The following ZNF776 variants were observed in gnomAD, a reference collection of about 807,000 sequenced individuals.
ZNF776 encodes zinc finger protein 776.
Under a neutral mutation model 7.0 loss-of-function variants are expected in ZNF776, and 4 were observed. That is an observed-to-expected ratio of 0.57 (90% CI 0.28 to 1.31). The LOEUF (loss-of-function observed/expected upper bound fraction) is 1.31, where lower values mean the gene tolerates loss of function less well. Ranked by LOEUF, ZNF776 falls within the 50% of genes most tolerant of loss-of-function variation. ZNF776 has a pLI of 0.10. For missense variants in ZNF776, 555 were observed against 625.9 expected (o/e 0.89, Z 1.21); for synonymous variants, 212 against 213.7 (o/e 0.99, Z 0.07).
rs970671371 is a variant in ZNF776, at chr19:57,757,655, G to C, written c.*2968G>C. ...AATTTTTAAAGCTGTAATAAGACTG[G>C]GCATGGTGACTCATGCCTGTTATCC... On this transcript the variant is annotated 3_prime_UTR_variant, in exon 3 of 3. Coordinates refer to ENST00000317178, the MANE Select transcript of ZNF776 (RefSeq NM_173632.4). 3.3e-5 allele frequency: 5 copies of C among 152,034 alleles called. No homozygotes were observed. Among genetic ancestry groups the C allele is most frequent in the African/African-American group, 7.2e-5 (3 of 41,392 alleles). 9.4% of individuals were successfully genotyped at this position (152,034 alleles called of 1,614,324 possible).
In ZNF776 at chr19:57,754,064, C is replaced by G; in HGVS notation, c.934C>G (p.Arg312Gly). ...TAAGCACAGTCTTGTTGACCATCAG[C>G]GAGTTCACACTGGAGAAAGACCTTA... ...SHKHSLVDHQ[R>G]VHTGERPYEC... The change falls in exon 3 of 3, where the codon CGA (arginine) becomes GGA (glycine). Residue 312 changes from arginine to glycine, a missense_variant. By Grantham distance (125) the Arg-to-Gly change is moderately radical (BLOSUM62 -2). Transcript: ENST00000317178. 1 of 1,612,738 alleles carries G rather than the reference C, an allele frequency of 6.2e-7. No homozygotes were observed. Among genetic ancestry groups the G allele is most frequent in the Non-Finnish European group, 8.5e-7 (1 of 1,179,766 alleles).
intron 2 of ZNF776, among the ~76,000 whole-genome samples, chr19:57,753,032 C>G (rs889269880): frequency 1.3e-5 from 2 of 152,178 alleles, no homozygotes; most frequent in African/African-American, 4.8e-5. Flanking sequence ...CTTCATATTA[C>G]TGGGTTAGAA....
In ZNF776 at chr19:57,750,902, T is replaced by A. The variant is rs1287249169; in HGVS notation, c.151T>A (p.Ser51Thr). The change falls in exon 2 of 3, where the codon TCT (serine) becomes ACT (threonine). Residue 51 changes from serine (S) to threonine (T), a missense_variant. By Grantham distance (58) the Ser-to-Thr change is moderately conservative. Transcript: ENST00000317178. ...GATGCTGGAGAACCTGACACTTATATCTTCTCTAGGTAAGGCACTCACACT... is the reference window on the plus strand; with the variant it reads ...GATGCTGGAGAACCTGACACTTATAACTTCTCTAGGTAAGGCACTCACACT... ...DVMLENLTLISSLGCWYGAKD... is the reference protein window; with the variant it reads ...DVMLENLTLITSLGCWYGAKD... 1 of 1,610,054 alleles carries A rather than the reference T, an allele frequency of 6.2e-7. No homozygotes were observed. Among genetic ancestry groups the A allele is most frequent in the East Asian group, 2.2e-5 (1 of 44,734 alleles).
intron 2 of ZNF776, among the ~76,000 whole-genome samples, chr19:57,751,863 G>GTTTTTTT (rs1256893730): frequency 1.6e-5 from 1 of 63,358 alleles, no homozygotes; most frequent in South Asian, 4.1e-4. Context: ...TGTATTTTTG[G>GTTTTTTT]TTTTGTTTTT....
At position 57,754,132 on chromosome 19, in the gene ZNF776, C is replaced by G. The variant is rs1435287193; in HGVS notation, c.1002C>G (p.Ser334Arg). Residue 334 changes from serine to arginine, a missense_variant, in exon 3 of 3, where the codon AGC becomes AGG. Transcript: ENST00000317178. The part of the protein sequence containing the change: ...ECGKSFSHKR[S>R]LVHHQRVHTG... Reference sequence around the variant, plus strand: ...GGAAATCTTTTAGCCATAAGCGCAGCCTTGTTCACCACCAGCGAGTTCACA... The same window carrying G: ...GGAAATCTTTTAGCCATAAGCGCAGGCTTGTTCACCACCAGCGAGTTCACA... 1 of 1,613,810 alleles carries G rather than the reference C, an allele frequency of 6.2e-7. No individual in the cohort carries two copies. Among genetic ancestry groups the G allele is most frequent in the Non-Finnish European group, 8.5e-7 (1 of 1,179,924 alleles).
At chr19:57,752,462 T>G (rs1986637105) in intron 2 of ZNF776, among the ~76,000 whole-genome samples, 1 of 152,212 alleles carries the variant, frequency 6.6e-6, no homozygotes, top group African/African-American at 2.4e-5. Context: ...GCAGTGGGAC[T>G]GAGAGTTCTC....
At chr19:57,753,043 T>C (rs1385897250) in intron 2 of ZNF776, among the ~76,000 whole-genome samples, 1 of 152,198 alleles carries the variant, frequency 6.6e-6, no homozygotes, top group African/African-American at 2.4e-5. Flanking sequence ...TGGGTTAGAA[T>C]GATTACAGAA....
In ZNF776 at chr19:57,753,401, C is replaced by T. The variant is rs1351999827; in HGVS notation, c.271C>T (p.Leu91Phe). 3 of 1,614,212 alleles carry T rather than the reference C, an allele frequency of 1.9e-6. No individual in the cohort carries two copies. The highest frequency in any genetic ancestry group is 1.7e-5 in the Admixed American group (1 of 60,018). ...WTGVCTKKVH[L>F]WGMCGPLLGD... ...AGGTGTATGTACCAAGAAGGTCCAC[C>T]TCTGGGGAATGTGTGGCCCTCTCCT... is the stretch of plus-strand genomic sequence containing the variant. Residue 91 changes from leucine to phenylalanine, a missense_variant, in exon 3 of 3, where the codon CTC becomes TTC. Leu to Phe is a conservative substitution (Grantham distance 22). Transcript: ENST00000317178.
chr19:57,746,944 A>C lies in ZNF776; in HGVS notation c.-115A>C. The C allele has an allele frequency of 9.2e-7, 1 of 1,089,086 alleles. No individual in the cohort carries two copies. Among genetic ancestry groups the C allele is most frequent in the South Asian group, 1.6e-5 (1 of 61,848 alleles). The allele number at this position is 1,089,086 out of a possible 1,614,324, so 67.5% of individuals were successfully genotyped here. On this transcript the variant is annotated 5_prime_UTR_variant, in exon 1 of 3. Transcript: ENST00000317178. ...CCCGACTGCACAGAGGCTGCTCTGCAGCTCCTTAAAGGCGCTAGGCGTGAC... is the reference window on the plus strand; with the variant it reads ...CCCGACTGCACAGAGGCTGCTCTGCCGCTCCTTAAAGGCGCTAGGCGTGAC...
rs752532910 is a variant in ZNF776 at position 57,747,082 on chromosome 19, C to G, written c.24C>G (p.Pro8=). ...GGATGGCGGCGGCCGCGCTGAGGCC[C>G]CCGGCTCAGGTAATTGTGGCGTCTT... MAAAALR[P]PAQGTVTFED... Residue 8 remains proline (P), a synonymous_variant, in exon 1 of 3, where the codon CCC becomes CCG. Transcript: ENST00000317178. The G allele has an allele frequency of 1.3e-5, 21 of 1,591,590 alleles. No individual in the cohort carries two copies. In the South Asian group the frequency reaches 2.4e-4, roughly 18 times the overall value.
chr19:57,753,383 T>C lies in ZNF776; in HGVS notation c.253T>C (p.Cys85Arg), dbSNP rs201309717. 26 of 1,614,200 alleles carry C rather than the reference T, an allele frequency of 1.6e-5. No homozygotes were observed. In the East Asian group the frequency reaches 5.8e-4, roughly 36 times the overall value. The change falls in exon 3 of 3, where the codon TGT becomes CGT. Residue 85 changes from cysteine (C) to arginine (R), a missense_variant. Physicochemically the swap from Cys to Arg is radical, Grantham distance 180. Coordinates refer to ENST00000317178, the MANE Select transcript of ZNF776 (RefSeq NM_173632.4). ...ACTCAGGACACATTGGACAGGTGTA[T>C]GTACCAAGAAGGTCCACCTCTGGGG... The part of the protein sequence containing the change: ...SPLRTHWTGV[C>R]TKKVHLWGMC...
Position 57,753,302 on chromosome 19 carries a change from G to T in ZNF776, c.172G>T (p.Gly58Ter). 1 of 1,606,182 alleles carries T rather than the reference G, an allele frequency of 6.2e-7. No homozygotes were observed. Among genetic ancestry groups the T allele is most frequent in the Non-Finnish European group, 8.5e-7 (1 of 1,176,250 alleles). Reference protein sequence around the residue: ...TLISSLGCWYGAKDETPSKQT... With the variant: ...TLISSLGCWY ...TTTATTTCTTTTAGGTTGTTGGTAT[G>T]GAGCAAAAGACGAGACACCTTCTAA... The change falls in exon 3 of 3, where the codon GGA becomes TGA. Residue 58 changes from glycine (G) to a stop codon, truncating the protein, a stop_gained. Coordinates refer to ENST00000317178, the MANE Select transcript of ZNF776 (RefSeq NM_173632.4). LOFTEE classifies it low-confidence loss of function (END_TRUNC).
chr19:57,753,484 A>G lies in ZNF776; in HGVS notation c.354A>G (p.Ala118=). 6.2e-7 allele frequency: 1 copy of G among 1,614,214 alleles called. No homozygotes were observed. Among genetic ancestry groups the G allele is most frequent in the East Asian group, 2.2e-5 (1 of 44,882 alleles). Residue 118 remains alanine, a synonymous_variant, in exon 3 of 3, where the codon GCA becomes GCG. Coordinates refer to ENST00000317178, the MANE Select transcript of ZNF776 (RefSeq NM_173632.4). ...ATCAGAAATTGAATGGGTTTGGGGC[A>G]TATGAAAAAAAATTGGATGACGATG... is the stretch of plus-strand genomic sequence containing the variant. The part of the protein sequence containing the change: ...QHNQKLNGFG[A]YEKKLDDDAN...
At position 57,754,565 on chromosome 19, in the gene ZNF776, C is replaced by A; in HGVS notation, c.1435C>A (p.Gln479Lys). The change falls in exon 3 of 3, where the codon CAG (glutamine) becomes AAG (lysine). Residue 479 changes from glutamine (Q) to lysine (K), a missense_variant. Physicochemically the swap from Gln to Lys is moderately conservative, Grantham distance 53. Transcript: ENST00000317178. ...FHQKGSLIRH[Q>K]QIHSGERPHE... ...TCAAAAGGGCAGTCTCATTCGACATCAGCAGATTCACTCTGGAGAAAGGCC... is the reference window on the plus strand; with the variant it reads ...TCAAAAGGGCAGTCTCATTCGACATAAGCAGATTCACTCTGGAGAAAGGCC... 6.2e-7 allele frequency: 1 copy of A among 1,614,182 alleles called. No individual in the cohort carries two copies. Among genetic ancestry groups the A allele is most frequent in the Non-Finnish European group, 8.5e-7 (1 of 1,180,034 alleles).
At position 57,746,965 on chromosome 19, in the gene ZNF776, G is replaced by T. The variant is rs1489242155; in HGVS notation, c.-94G>T. 4.0e-5 allele frequency: 54 copies of T among 1,335,286 alleles called. No individual in the cohort carries two copies. Among genetic ancestry groups the T allele is most frequent in the Non-Finnish European group, 5.1e-5 (50 of 977,406 alleles). The allele number at this position is 1,335,286 out of a possible 1,614,324, so 82.7% of individuals were successfully genotyped here. A position where few individuals can be genotyped will look rare whatever the true frequency, so the allele number is the denominator to read the frequency against. On this transcript the variant is annotated 5_prime_UTR_variant, in exon 1 of 3. Transcript: ENST00000317178. Reference sequence around the variant, plus strand: ...CTGCAGCTCCTTAAAGGCGCTAGGCGTGACCCGCACCAAGGCCGGGATCGG... The same window carrying T: ...CTGCAGCTCCTTAAAGGCGCTAGGCTTGACCCGCACCAAGGCCGGGATCGG...
At chr19:57,748,310 A>G (rs1217827403) in intron 1 of ZNF776, among the ~76,000 whole-genome samples, 1 of 152,232 alleles carries the variant, frequency 6.6e-6, no homozygotes, top group African/African-American at 2.4e-5. Flanking sequence ...TAGTAGCTGT[A>G]GCTATGGAAG....
intron 1 of ZNF776, 51 bp from the exon 2 acceptor site, chr19:57,750,734 G>C: frequency 6.4e-7 from 1 of 1,570,336 alleles, no homozygotes; most frequent in South Asian, 1.2e-5. Context: ...GGGTGGATAA[G>C]TGGATGAGCA....
In ZNF776 at chr19:57,754,409, A is replaced by G. The variant is rs141053614; in HGVS notation, c.1279A>G (p.Thr427Ala). ...SHLTEHQRVH[T>A]GERPYECREC... The stretch of plus-strand genomic sequence containing the variant: ...CCTCACTGAACACCAGAGAGTTCAC[A>G]CTGGAGAAAGGCCATATGAGTGTAG... Residue 427 changes from threonine (T) to alanine (A), a missense_variant, in exon 3 of 3, where the codon ACT becomes GCT. Physicochemically the swap from Thr to Ala is moderately conservative, Grantham distance 58. Transcript: ENST00000317178. 592 of 1,614,232 alleles carry G rather than the reference A, an allele frequency of 3.7e-4. 2 individuals carry two copies. Among genetic ancestry groups the G allele is most frequent in the Non-Finnish European group, 4.3e-4 (504 of 1,180,042 alleles).
Position 57,754,430 on chromosome 19 carries a change from T to G in ZNF776, c.1300T>G (p.Cys434Gly), listed in dbSNP as rs965683026. The G allele has an allele frequency of 6.2e-6, 10 of 1,613,848 alleles. No homozygotes were observed. Among genetic ancestry groups the G allele is most frequent in the Non-Finnish European group, 8.5e-6 (10 of 1,179,984 alleles). ...RVHTGERPYE[C>G]RECGKCFHQK... ...TCACACTGGAGAAAGGCCATATGAG[T>G]GTAGAGAATGTGGGAAATGTTTTCA... is the stretch of plus-strand genomic sequence containing the variant. The change falls in exon 3 of 3, where the codon TGT (cysteine) becomes GGT (glycine). Residue 434 changes from cysteine (C) to glycine (G), a missense_variant. Physicochemically the swap from Cys to Gly is radical, Grantham distance 159. Coordinates refer to ENST00000317178, the MANE Select transcript of ZNF776 (RefSeq NM_173632.4).
Sources: allele counts gnomAD v4.1 joint callset (sites outside exome capture counted in the v4.1 genomes callset), GRCh38; gene constraint gnomAD v4.1.1; transcripts MANE v1.5; gene names NCBI Gene and HGNC (gene_info 2026-07-23, HGNC 2026-07-21).